Variants in SOX5 observed in about 807,000 individuals in gnomAD.
SOX5 encodes transcription factor SOX-5.
Under a neutral mutation model 92.0 loss-of-function variants are expected in SOX5, and 9 were observed. That is an observed-to-expected ratio of 0.10 (90% CI 0.06 to 0.17). The LOEUF (loss-of-function observed/expected upper bound fraction) is 0.17, where lower values mean the gene tolerates loss of function less well. Among genes scored for constraint, SOX5 ranks in the 10% least tolerant of loss-of-function variants. The probability of loss-of-function intolerance (pLI) is 1.00; values close to 1 mark genes in which losing one functional copy is unlikely to be tolerated. For synonymous variants in SOX5, 344 were observed against 336.3 expected, an observed-to-expected ratio of 1.02 and a Z score of -0.25; for missense variants, 642 against 944.5, an observed-to-expected ratio of 0.68 and a Z score of 4.20.
At chr12:24,023,603 C>T (rs1954555355) in intron 4 of SOX5, among the ~76,000 whole-genome samples, 1 of 151,994 alleles carries the variant, frequency 6.6e-6, no homozygotes, top group Non-Finnish European at 1.5e-5. Flanking sequence ...GTTCCTTTTA[C>T]TGAGTTTTGA....
chr12:23,706,287 TTTAG>T (rs2091382294), intron 6 of SOX5, among the ~76,000 whole-genome samples: 1 of 152,130 alleles, frequency 6.6e-6, no homozygotes, highest in Admixed American at 6.6e-5. Context: ...AAATATTATA[TTTAG>T]TATTTATACA....
intron 1 of SOX5, among the ~76,000 whole-genome samples, chr12:24,441,564 A>C (rs1293729931): frequency 1.3e-5 from 2 of 152,168 alleles, no homozygotes; most frequent in Non-Finnish European, 2.9e-5. Flanking sequence ...TCCCCTTTAT[A>C]AAGTGGCAGT....
chr12:23,886,526 G>A (rs931673891), intron 2 of SOX5, among the ~76,000 whole-genome samples: 3 of 151,634 alleles, frequency 2.0e-5, no homozygotes, highest in African/African-American at 7.3e-5. Flanking sequence ...CCAACATACT[G>A]CAAGATTTTT....
intron 4 of SOX5, among the ~76,000 whole-genome samples, chr12:24,158,882 A>G (rs1015060416): frequency 2.0e-5 from 3 of 151,898 alleles, no homozygotes; most frequent in Non-Finnish European, 4.4e-5. Flanking sequence ...ATTTGGTTAA[A>G]TTTTTGAGAT....
chr12:24,183,663 C>G (rs1043803353), intron 4 of SOX5, among the ~76,000 whole-genome samples: 2 of 151,988 alleles, frequency 1.3e-5, no homozygotes, highest in African/African-American at 4.8e-5. Flanking sequence ...AAAAAATTTC[C>G]AAAACTTCTT....
chr12:23,898,172 T>C (rs1440529690), intron 1 of SOX5, among the ~76,000 whole-genome samples: 1 of 152,214 alleles, frequency 6.6e-6, no homozygotes, highest in Non-Finnish European at 1.5e-5. Context: ...CTTTAAATGT[T>C]TAAGGTCTTT....
intron 4 of SOX5, among the ~76,000 whole-genome samples, chr12:23,971,449 C>G (rs1297113949): frequency 6.6e-6 from 1 of 151,266 alleles, no homozygotes; most frequent in Non-Finnish European, 1.5e-5. Context: ...TATTCAACTC[C>G]CATAAATTTA....
At chr12:23,999,177 T>TGTGTGTGTGTGTG (rs1569452779) in intron 4 of SOX5, among the ~76,000 whole-genome samples, 1 of 139,888 alleles carries the variant, frequency 7.1e-6, no homozygotes, top group Non-Finnish European at 1.5e-5. Context: ...TGTGTGTGTG[T>TGTGTGTGTGTGTG]ACCATTGCTT....
intron 2 of SOX5, among the ~76,000 whole-genome samples, chr12:24,364,414 G>C (rs1955926876): frequency 6.7e-6 from 1 of 150,162 alleles, no homozygotes; most frequent in South Asian, 2.1e-4. Context: ...TCCTTAGAAA[G>C]GACTACAAGA....
intron 1 of SOX5, among the ~76,000 whole-genome samples, chr12:24,444,383 C>T (rs908578499): frequency 1.3e-5 from 2 of 151,606 alleles, no homozygotes; most frequent in Non-Finnish European, 2.9e-5. Context: ...AGATACAGGA[C>T]CTTGGAAAAG....
At position 23,671,652 on chromosome 12, in the gene SOX5, C is replaced by T. The variant is rs145335081; in HGVS notation, c.811-6088G>A. Among the ~76,000 whole-genome samples, 60 of 152,228 alleles carry T rather than the reference C, an allele frequency of 3.9e-4. No homozygotes were observed. The East Asian group carries it at 0.011, about 28-fold the overall frequency. On this transcript the variant is annotated intron_variant, in intron 6 of 14. Transcript: ENST00000451604. Reference sequence around the variant, plus strand: ...AAAGTCAATTTGTCAGTTTATCCTACTCAATGCAATGGTCTTTAGGAAAAA... The same window carrying T: ...AAAGTCAATTTGTCAGTTTATCCTATTCAATGCAATGGTCTTTAGGAAAAA...
intron 4 of SOX5, among the ~76,000 whole-genome samples, chr12:24,098,018 C>A (rs1230423065): frequency 6.6e-6 from 1 of 152,086 alleles, no homozygotes; most frequent in Admixed American, 6.6e-5. Flanking sequence ...TCCTACTTTA[C>A]CAACTTATTT....
chr12:23,866,919 C>G (rs11047138), intron 2 of SOX5, among the ~76,000 whole-genome samples: 12,925 of 152,144 alleles, frequency 0.085, 668 homozygotes, highest in East Asian at 0.2. Flanking sequence ...TCAGGAAAAA[C>G]TTGGAACTCT....
intron 2 of SOX5, among the ~76,000 whole-genome samples, chr12:24,337,710 T>C (rs1330098573): frequency 6.6e-6 from 1 of 152,198 alleles, no homozygotes; most frequent in East Asian, 1.9e-4. Flanking sequence ...AAAAATGACA[T>C]TGCCATAAAA....
chr12:23,784,603 G>A (rs778574011), intron 3 of SOX5, among the ~76,000 whole-genome samples: 6 of 152,132 alleles, frequency 3.9e-5, no homozygotes, highest in Non-Finnish European at 7.4e-5. Flanking sequence ...TGGGATTAGA[G>A]GCGTGAGCCA....
At position 24,142,221 on chromosome 12, in the gene SOX5, T is replaced by A. The variant is rs573011359; in HGVS notation, c.-2+71122A>T. ...GTAGAGAGAAAAGAAACCAAGGAGATTGGGGGTAAGCAGCACTCCCGCTTC... is the reference window on the plus strand; with the variant it reads ...GTAGAGAGAAAAGAAACCAAGGAGAATGGGGGTAAGCAGCACTCCCGCTTC... On this transcript the variant is annotated intron_variant, in intron 4 of 4. Coordinates refer to the SOX5 transcript ENST00000446891. Among the ~76,000 whole-genome samples, 24 of 152,020 alleles carry A rather than the reference T, an allele frequency of 1.6e-4. 1 individual carries two copies. In the South Asian group the frequency reaches 5.0e-3, roughly 32 times the overall value.
intron 6 of SOX5, among the ~76,000 whole-genome samples, chr12:23,714,170 T>C (rs991408310): frequency 2.0e-5 from 3 of 152,174 alleles, no homozygotes; most frequent in Non-Finnish European, 4.4e-5. Flanking sequence ...TTGGTATCTG[T>C]ATGATATTCC....
chr12:23,696,854 G>T (rs1312600256), intron 6 of SOX5, among the ~76,000 whole-genome samples: 4 of 152,144 alleles, frequency 2.6e-5, no homozygotes, highest in Non-Finnish European at 5.9e-5. Context: ...TGACCCATGA[G>T]TTATTTTAGA....
chr12:23,679,139 A>G (rs1021134978), intron 6 of SOX5, among the ~76,000 whole-genome samples: 1 of 152,156 alleles, frequency 6.6e-6, no homozygotes, highest in Admixed American at 6.6e-5. Context: ...AGCCTCCAAG[A>G]AAGTTGGAGG....
Sources: gnomAD v4.1 joint callset for allele counts (sites outside exome capture counted in the v4.1 genomes callset) on GRCh38, gnomAD v4.1.1 for gene constraint, MANE v1.5 for transcripts, NCBI Gene and HGNC (gene_info 2026-07-23, HGNC 2026-07-21) for gene names.